The following CTNNA3 variants were observed in gnomAD, a reference collection of about 807,000 sequenced individuals.
CTNNA3 encodes catenin alpha 3.
CTNNA3 carries 76 observed loss-of-function variants against 95.7 expected under a neutral mutation model. That is an observed-to-expected ratio of 0.79 (90% CI 0.66 to 0.96). The LOEUF is 0.96. CTNNA3 is among the 40% of genes least tolerant of loss of function. The pLI is 0.00. For synonymous variants in CTNNA3, 431 were observed against 374.4 expected, an observed-to-expected ratio of 1.15 and a Z score of -1.74; for missense variants, 1,191 against 1,089.8, an observed-to-expected ratio of 1.09 and a Z score of -1.31.
intron 7 of CTNNA3, among the ~76,000 whole-genome samples, chr10:67,120,447 T>A (rs938558384): frequency 6.6e-6 from 1 of 152,028 alleles, no homozygotes; most frequent in East Asian, 1.9e-4. Context: ...AGAAGAAGTA[T>A]CCTGAATGAC....
chr10:67,006,100 A>G (rs1040928407), intron 7 of CTNNA3, among the ~76,000 whole-genome samples: 22 of 152,170 alleles, frequency 1.4e-4, no homozygotes, highest in African/African-American at 4.8e-4. Context: ...CAGGTACTTT[A>G]CAAACAACTT....
At chr10:66,165,333 G>A (rs993058779) in intron 13 of CTNNA3, among the ~76,000 whole-genome samples, 1 of 152,070 alleles carries the variant, frequency 6.6e-6, no homozygotes, top group Non-Finnish European at 1.5e-5. Flanking sequence ...AGGGGAACAA[G>A]GAATGAAAAA....
intron 5 of CTNNA3, among the ~76,000 whole-genome samples, chr10:67,227,689 A>C (rs1864990318): frequency 6.6e-6 from 1 of 152,236 alleles, no homozygotes; most frequent in Non-Finnish European, 1.5e-5. Flanking sequence ...ACCTTGGAAC[A>C]AATGAACTTA....
intron 12 of CTNNA3, among the ~76,000 whole-genome samples, chr10:66,367,855 TAATA>T (rs1564902917): frequency 8.9e-5 from 5 of 56,114 alleles, no homozygotes; most frequent in Admixed American, 2.0e-4. Context: ...TCTTTTATAA[TAATA>T]ATAATAATAA....
chr10:66,051,744 T>C (rs1470055827), intron 15 of CTNNA3, among the ~76,000 whole-genome samples: 1 of 152,200 alleles, frequency 6.6e-6, no homozygotes. Context: ...CTATTTTTCT[T>C]GCAGACTATC....
rs1053347041 is a variant in CTNNA3 at position 67,173,529 on chromosome 10, C to A, written c.1047+6788G>T. Among the ~76,000 whole-genome samples the A allele has an allele frequency of 4.6e-5, 7 of 152,236 alleles. No homozygotes were observed. In the East Asian group the frequency reaches 1.4e-3, roughly 29 times the overall value. ...TTTATTTTCTGAAAGACTGTCCCAA[C>A]AAAACTTTTTTGTACTCAAATTTAC... On this transcript the variant is annotated intron_variant, in intron 7 of 17. Transcript: ENST00000433211.
chr10:67,303,947 T>C (rs1840431837), intron 5 of CTNNA3, among the ~76,000 whole-genome samples: 1 of 152,146 alleles, frequency 6.6e-6, no homozygotes, highest in South Asian at 2.1e-4. Context: ...CTTACTTAAT[T>C]CCTTTCTCTT....
intron 15 of CTNNA3, among the ~76,000 whole-genome samples, chr10:66,014,245 T>C (rs547178360): frequency 6.6e-6 from 1 of 152,280 alleles, no homozygotes; most frequent in South Asian, 2.1e-4. Context: ...TTTTTAAAAT[T>C]AAACTTTTTT....
At chr10:67,558,078 T>A (rs920644292) in intron 3 of CTNNA3, among the ~76,000 whole-genome samples, 1 of 152,192 alleles carries the variant, frequency 6.6e-6, no homozygotes, top group African/African-American at 2.4e-5. Context: ...TATCTTTTTA[T>A]CTTTCCAACC....
chr10:66,176,691 T>G (rs958704168), intron 13 of CTNNA3, among the ~76,000 whole-genome samples: 11 of 152,036 alleles, frequency 7.2e-5, no homozygotes, highest in Non-Finnish European at 1.5e-5. Context: ...CTAGCTACCA[T>G]GTAAGGACAC....
At chr10:66,075,839 T>A (rs2080542851) in intron 14 of CTNNA3, among the ~76,000 whole-genome samples, 1 of 139,712 alleles carries the variant, frequency 7.2e-6, no homozygotes, top group Admixed American at 7.6e-5. Context: ...CTTTCCACAA[T>A]TTTTTTTTTG....
intron 10 of CTNNA3, among the ~76,000 whole-genome samples, chr10:66,543,126 C>T (rs1198486512): frequency 6.6e-6 from 1 of 151,996 alleles, no homozygotes; most frequent in Non-Finnish European, 1.5e-5. Flanking sequence ...TCTTGCTGTG[C>T]TGCCCAGGCT....
chr10:66,937,690 C>A (rs1847784448), intron 7 of CTNNA3, among the ~76,000 whole-genome samples: 1 of 152,076 alleles, frequency 6.6e-6, no homozygotes, highest in Non-Finnish European at 1.5e-5. Flanking sequence ...ATTGCCCTAC[C>A]CTTTCCCATG....
intron 11 of CTNNA3, among the ~76,000 whole-genome samples, chr10:66,490,020 A>T (rs1018631080): frequency 1.3e-5 from 2 of 152,290 alleles, no homozygotes; most frequent in Non-Finnish European, 2.9e-5. Context: ...AAGCCAATTT[A>T]TTTCGATAGT....
chr10:67,199,877 A>C (rs12258877), intron 6 of CTNNA3, among the ~76,000 whole-genome samples: 4,067 of 151,858 alleles, frequency 0.027, 127 homozygotes, highest in African/African-American at 0.088. Flanking sequence ...TAAATTTAAC[A>C]ATACATAATT....
At chr10:66,525,547 A>G (rs74141576) in intron 10 of CTNNA3, among the ~76,000 whole-genome samples, 4,448 of 152,204 alleles carry the variant, frequency 0.029, 232 homozygotes, top group African/African-American at 0.1. Context: ...TGCTGTGAGT[A>G]AGTGATGATC....
At chr10:66,110,946 GCAACTGTAA>G (rs1382332484) in intron 13 of CTNNA3, among the ~76,000 whole-genome samples, 1 of 152,126 alleles carries the variant, frequency 6.6e-6, no homozygotes, top group Non-Finnish European at 1.5e-5. Context: ...AATACTATAG[GCAACTGTAA>G]CACAGTGGTA....
At chr10:66,589,611 C>A (rs866432067) in intron 10 of CTNNA3, among the ~76,000 whole-genome samples, 6 of 152,210 alleles carry the variant, frequency 3.9e-5, no homozygotes, top group African/African-American at 1.4e-4. Flanking sequence ...GTGATAAAAG[C>A]ACCTATTCCT....
At chr10:66,074,290 T>G (rs1465604053) in intron 14 of CTNNA3, among the ~76,000 whole-genome samples, 1 of 151,966 alleles carries the variant, frequency 6.6e-6, no homozygotes, top group Non-Finnish European at 1.5e-5. Flanking sequence ...TGAAAACTAT[T>G]CCGTTTTTGG....
Sources: gnomAD v4.1 joint callset for allele counts (sites outside exome capture counted in the v4.1 genomes callset) on GRCh38, gnomAD v4.1.1 for gene constraint, MANE v1.5 for transcripts, NCBI Gene and HGNC (gene_info 2026-07-23, HGNC 2026-07-21) for gene names.